Variants in CSPP1 observed in about 807,000 individuals in gnomAD.
The protein encoded by CSPP1 is centrosome and spindle pole-associated protein 1.
Under a neutral mutation model 164.4 loss-of-function variants are expected in CSPP1, and 126 were observed. The observed-to-expected ratio is 0.77, with a 90% CI of 0.66 to 0.89. CSPP1 has a LOEUF of 0.89. Ranked by LOEUF, CSPP1 falls within the 40% of genes least tolerant of loss-of-function variation. The pLI, the probability that CSPP1 is intolerant of heterozygous loss-of-function variation, is 0.00. For missense variants in CSPP1, 1,395 were observed against 1,449.8 expected (o/e 0.96, Z 0.61); for synonymous variants, 472 against 476.7 (o/e 0.99, Z 0.13).
rs1824760497 is a variant in CSPP1, at chr8:67,147,177, T to C, written c.1976-2606T>C. 2.0e-5 allele frequency among the ~76,000 whole-genome samples: 3 copies of C among 152,334 alleles called. No individual in the cohort carries two copies. The South Asian group carries it at 6.2e-4, about 32-fold the overall frequency. On this transcript the variant is annotated intron_variant, in intron 17 of 30. Transcript: ENST00000678616. Reference sequence around the variant, plus strand: ...TGTGTTATCGAAGTTTGCTTACATATAGGGTATCTCCTAATGTATGGTTTG... The same window carrying C: ...TGTGTTATCGAAGTTTGCTTACATACAGGGTATCTCCTAATGTATGGTTTG...
intron 8 of CSPP1, among the ~76,000 whole-genome samples, chr8:67,103,765 A>T (rs1814690734): frequency 6.7e-6 from 1 of 149,894 alleles, no homozygotes; most frequent in African/African-American, 2.5e-5. Context: ...GCGTGAACCC[A>T]GGAGGCGGAG....
At chr8:67,195,244 C>CAAAG in intron 30 of CSPP1, 138 bp from the exon 31 acceptor site, 1 of 716,184 alleles carries the variant, frequency 1.4e-6, no homozygotes, top group East Asian at 2.5e-5. Context: ...CTAACCAAAA[C>CAAAG]AAACAAACAG....
At chr8:67,160,348 C>T (rs1452315956) in intron 21 of CSPP1, among the ~76,000 whole-genome samples, 1 of 151,468 alleles carries the variant, frequency 6.6e-6, no homozygotes, top group Non-Finnish European at 1.5e-5. Context: ...ACCTGTAGTC[C>T]CAGCTACTCA....
In CSPP1 at chr8:67,164,482, G is replaced by C. The variant is rs1178218440; in HGVS notation, c.2802G>C (p.Met934Ile). ...GTCTACAAGAGCGATTGCTACACAT[G>C]GACAGTGATGATGAAATTCCTATCA... ...ERRLQERLLH[M>I]DSDDEIPIRK... Residue 934 changes from methionine (M) to isoleucine (I), a missense_variant, in exon 24 of 31, where the codon ATG becomes ATC. Met to Ile is a conservative substitution (Grantham distance 10). Transcript: ENST00000678616. 1 of 1,576,448 alleles carries C rather than the reference G, an allele frequency of 6.3e-7. No individual in the cohort carries two copies. The highest frequency in any genetic ancestry group is 1.3e-5 in the African/African-American group (1 of 74,178).
intron 18 of CSPP1, 94 bp from the exon 19 acceptor site, chr8:67,153,928 TTA>T: frequency 1.7e-6 from 1 of 587,168 alleles, no homozygotes; most frequent in Non-Finnish European, 3.0e-6. Context: ...TTTTTTTTTT[TTA>T]AAAATGAATT....
chr8:67,164,768 C>T lies in CSPP1; in HGVS notation c.2828+260C>T, dbSNP rs533843410. 1.2e-3 allele frequency among the ~76,000 whole-genome samples: 177 copies of T among 152,264 alleles called. 1 individual carries two copies. In the South Asian group the frequency reaches 0.02, roughly 17 times the overall value. On this transcript the variant is annotated intron_variant, in intron 24 of 30. Transcript: ENST00000678616. ...TGTTTTTTATATTTTCCATTAATAA[C>T]GTAGCTTTCTGAAATACTTTTTTTC...
chr8:67,131,355 C>A (rs569531915), intron 15 of CSPP1, among the ~76,000 whole-genome samples: 155 of 152,176 alleles, frequency 1.0e-3, no homozygotes, highest in African/African-American at 3.4e-3. Flanking sequence ...CCACTGCACT[C>A]CAGCCTGGGT....
At chr8:67,072,303 T>C (rs912564980) in intron 1 of CSPP1, among the ~76,000 whole-genome samples, 2 of 151,590 alleles carry the variant, frequency 1.3e-5, no homozygotes, top group African/African-American at 2.4e-5. Context: ...AAAAAAAGAT[T>C]TTTTTTAGAT....
At chr8:67,075,358 TGTC>T (rs1807696977) in intron 2 of CSPP1, among the ~76,000 whole-genome samples, 1 of 152,232 alleles carries the variant, frequency 6.6e-6, no homozygotes, top group Non-Finnish European at 1.5e-5. Flanking sequence ...GTTTACCTGT[TGTC>T]CAGTGTTTTT....
At chr8:67,088,818 A>G (rs1585967548) in intron 4 of CSPP1, among the ~76,000 whole-genome samples, 1 of 150,284 alleles carries the variant, frequency 6.7e-6, no homozygotes, top group African/African-American at 2.5e-5. Context: ...AATGGCGTGA[A>G]CCCTGGAGGC....
chr8:67,175,745 A>C (rs1831461877), intron 26 of CSPP1, among the ~76,000 whole-genome samples: 1 of 152,240 alleles, frequency 6.6e-6, no homozygotes, highest in South Asian at 2.1e-4. Flanking sequence ...AAGGAGTGTC[A>C]GGCAGACATA....
Position 67,093,644 on chromosome 8 carries a change from A to T in CSPP1, c.483+3A>T, listed in dbSNP as rs1367067636. 6 of 1,578,568 alleles carry T rather than the reference A, an allele frequency of 3.8e-6. No individual in the cohort carries two copies. The highest frequency in any genetic ancestry group is 4.3e-6 in the Non-Finnish European group (5 of 1,150,360). On this transcript the variant is annotated splice_donor_region_variant and intron_variant, in intron 6 of 30. Coordinates refer to ENST00000678616, the MANE Select transcript of CSPP1 (RefSeq NM_001382391.1). ...GGCAGGTGGAAAAGAGTACTGAGGT[A>T]GGTTTTGCTTTTGAATTAAATCTGT...
intron 1 of CSPP1, 71 bp from the exon 2 acceptor site, chr8:67,074,171 TA>T: frequency 1.3e-6 from 1 of 772,758 alleles, no homozygotes; most frequent in Non-Finnish European, 2.1e-6. Context: ...AAATGTGGAC[TA>T]AGCCTACATG....
intron 13 of CSPP1, among the ~76,000 whole-genome samples, chr8:67,117,528 A>C (rs1275700583): frequency 5.9e-5 from 9 of 152,222 alleles, no homozygotes; most frequent in Non-Finnish European, 1.2e-4. Flanking sequence ...TGAAGTGCTA[A>C]TGTAGAGGTT....
At chr8:67,120,417 G>A (rs947939183) in intron 15 of CSPP1, among the ~76,000 whole-genome samples, 2 of 152,140 alleles carry the variant, frequency 1.3e-5, no homozygotes, top group African/African-American at 4.8e-5. Context: ...TGTGATTTTG[G>A]TAGTGAGTAG....
chr8:67,162,126 C>T (rs1265637483), intron 22 of CSPP1, among the ~76,000 whole-genome samples: 1 of 152,128 alleles, frequency 6.6e-6, no homozygotes, highest in African/African-American at 2.4e-5. Flanking sequence ...TAATTTAGCC[C>T]CTCAAGCTAG....
chr8:67,119,371 G>A (rs1003480213), intron 15 of CSPP1, among the ~76,000 whole-genome samples: 3 of 152,024 alleles, frequency 2.0e-5, no homozygotes, highest in Non-Finnish European at 4.4e-5. Flanking sequence ...ATATCTCTTT[G>A]AAATCTTGTT....
intron 15 of CSPP1, among the ~76,000 whole-genome samples, chr8:67,131,522 G>A (rs1402224656): frequency 2.6e-5 from 4 of 151,984 alleles, no homozygotes; most frequent in Non-Finnish European, 5.9e-5. Context: ...ACTTTTTCCT[G>A]TAATTACATT....
At chr8:67,124,067 T>C (rs1819577913) in intron 15 of CSPP1, among the ~76,000 whole-genome samples, 2 of 151,416 alleles carry the variant, frequency 1.3e-5, no homozygotes, top group South Asian at 4.2e-4. Context: ...GCCTGGCTAA[T>C]TTTTTGTATT....
Sources: gnomAD v4.1 joint callset for allele counts (sites outside exome capture counted in the v4.1 genomes callset) on GRCh38, gnomAD v4.1.1 for gene constraint, MANE v1.5 for transcripts, NCBI Gene and HGNC (gene_info 2026-07-23, HGNC 2026-07-21) for gene names.